The following TJP1 variants were observed in gnomAD, a reference collection of about 807,000 sequenced individuals.
The protein encoded by TJP1 is tight junction protein ZO-1.
In TJP1, 43 loss-of-function variants were observed where a neutral mutation model predicts 194.2. That is an observed-to-expected ratio of 0.22 (90% CI 0.17 to 0.29). The LOEUF (loss-of-function observed/expected upper bound fraction) is 0.29, where lower values mean the gene tolerates loss of function less well. Ranked by LOEUF, TJP1 falls within the 10% of genes least tolerant of loss-of-function variation. TJP1 has a pLI of 1.00. For missense variants in TJP1, 1,971 were observed against 2,185.7 expected (o/e 0.90, Z 1.96); for synonymous variants, 801 against 779.0 (o/e 1.03, Z -0.47).
At chr15:29,730,136 T>C (rs925181574) in intron 15 of TJP1, among the ~76,000 whole-genome samples, 1 of 152,224 alleles carries the variant, frequency 6.6e-6, no homozygotes, top group African/African-American at 2.4e-5. Context: ...TAAACTTTTC[T>C]AAACAGTATA....
At chr15:29,961,163 T>A (rs7496360) in intron 1 of TJP1, among the ~76,000 whole-genome samples, 64,603 of 151,734 alleles carry the variant, frequency 0.43, 14,331 homozygotes, top group African/African-American at 0.54. Flanking sequence ...AATCCCCTGG[T>A]ACTACTCTTC....
intron 2 of TJP1, among the ~76,000 whole-genome samples, chr15:29,853,297 T>C (rs1005208281): frequency 1.3e-5 from 2 of 152,182 alleles, no homozygotes; most frequent in Non-Finnish European, 2.9e-5. Flanking sequence ...CAAGGCAACA[T>C]GAGAGAGTCT....
At chr15:29,712,449 GA>G (rs2042299528) in intron 23 of TJP1, among the ~76,000 whole-genome samples, 1 of 152,092 alleles carries the variant, frequency 6.6e-6, no homozygotes, top group Non-Finnish European at 1.5e-5. Flanking sequence ...AAAAATGAAA[GA>G]AAATGGTCAA....
At chr15:29,946,499 C>G (rs1011703430) in intron 2 of TJP1, among the ~76,000 whole-genome samples, 2 of 152,356 alleles carry the variant, frequency 1.3e-5, no homozygotes, top group East Asian at 3.9e-4. Context: ...AGGGCATGCG[C>G]CCTGATGCGA....
intron 23 of TJP1, among the ~76,000 whole-genome samples, chr15:29,714,700 C>T (rs1442170196): frequency 6.6e-6 from 1 of 150,896 alleles, no homozygotes; most frequent in African/African-American, 2.4e-5. Context: ...GCCACCACGC[C>T]CCGCTGATTT....
At chr15:29,744,902 CTAAA>C (rs2044665160) in intron 8 of TJP1, among the ~76,000 whole-genome samples, 1 of 151,854 alleles carries the variant, frequency 6.6e-6, no homozygotes, top group Admixed American at 6.6e-5. Context: ...GGAAAAAATT[CTAAA>C]TAAATAAAAT....
chr15:29,784,392 C>T (rs539015652), intron 2 of TJP1, among the ~76,000 whole-genome samples: 18 of 152,152 alleles, frequency 1.2e-4, no homozygotes, highest in African/African-American at 2.6e-4. Context: ...CTCTGCCTCC[C>T]GGGTTCAAGT....
upstream of TJP1, among the ~76,000 whole-genome samples, chr15:29,827,124 T>A (rs573108523): frequency 3.9e-4 from 60 of 152,232 alleles, no homozygotes; most frequent in Non-Finnish European, 8.2e-4. Flanking sequence ...TGTCACTTTC[T>A]GTCTGGTGGC....
chr15:29,826,154 AAAAAG>A (rs1567110053), upstream of TJP1, among the ~76,000 whole-genome samples: 12 of 84,282 alleles, frequency 1.4e-4, no homozygotes, highest in African/African-American at 3.8e-4. Flanking sequence ...TTTTTTTTTT[AAAAAG>A]AAGACATAAA....
intron 1 of TJP1, chr15:29,968,568 C>G (rs1430444238): frequency 1.2e-5 from 10 of 837,610 alleles, no homozygotes; most frequent in Non-Finnish European, 1.3e-5. Flanking sequence ...CCTCGCCCCC[C>G]GCCCGACCGC....
At chr15:29,818,802 G>A (rs971225884) in intron 1 of TJP1, among the ~76,000 whole-genome samples, 5 of 149,702 alleles carry the variant, frequency 3.3e-5, no homozygotes, top group Non-Finnish European at 4.4e-5. Context: ...ACCGCGCCCG[G>A]CCACGTTTTT....
At chr15:29,966,472 A>G (rs774079766) in intron 1 of TJP1, among the ~76,000 whole-genome samples, 32 of 152,192 alleles carry the variant, frequency 2.1e-4, no homozygotes, top group Non-Finnish European at 3.8e-4. Context: ...ATTGCACTCC[A>G]GCCTGGGCAA....
intron 2 of TJP1, among the ~76,000 whole-genome samples, chr15:29,935,663 C>T (rs76159222): frequency 0.051 from 7,694 of 152,144 alleles, 242 homozygotes; most frequent in South Asian, 0.1. Flanking sequence ...CTCTTAAATG[C>T]TCACATCTAA....
rs1360589825 is a variant in TJP1 at position 29,840,675 on chromosome 15, T to C, written c.307-39973A>G. Among the ~76,000 whole-genome samples, 3 of 151,650 alleles carry C rather than the reference T, an allele frequency of 2.0e-5. No individual in the cohort carries two copies. In the East Asian group the frequency reaches 5.9e-4, roughly 30 times the overall value. The stretch of plus-strand genomic sequence containing the variant: ...TCCATCTTTATGTGGCCAAAGGGGG[T>C]CTAGGTAGTTGTCAGCTTCAGCTTC... On this transcript the variant is annotated intron_variant, in intron 2 of 28. Coordinates refer to the TJP1 transcript ENST00000356107.
intron 2 of TJP1, among the ~76,000 whole-genome samples, chr15:29,924,468 A>G (rs190029884): frequency 6.6e-6 from 1 of 152,244 alleles, no homozygotes; most frequent in African/African-American, 2.4e-5. Flanking sequence ...GATAGCAAAA[A>G]GACATTAAAA....
rs1476377713 is a variant in TJP1 at position 29,718,381 on chromosome 15, T to C, written c.3761A>G (p.Glu1254Gly). Residue 1254 changes from glutamate (E) to glycine (G), a missense_variant, in exon 21 of 28, where the codon GAG (glutamate) becomes GGG (glycine). Physicochemically the swap from Glu to Gly is moderately conservative, Grantham distance 98 (BLOSUM62 -2). Transcript: ENST00000614355. ...LPPPPTQTEE[E>G]EDPAMKPQSV... ...CTGTGGCTTCATTGCTGGATCTTCC[T>C]CTTCTTCGGTTTGAGTTGGGGGTGG... The C allele has an allele frequency of 1.2e-6, 2 of 1,614,024 alleles. No individual in the cohort carries two copies. The highest frequency in any genetic ancestry group is 2.7e-5 in the African/African-American group (2 of 74,908).
At chr15:29,788,453 C>A (rs908836678) in intron 2 of TJP1, among the ~76,000 whole-genome samples, 3 of 152,286 alleles carry the variant, frequency 2.0e-5, no homozygotes, top group Admixed American at 2.0e-4. Context: ...CTTATACTTA[C>A]ACCTATGGTT....
At chr15:29,747,756 C>A (rs1372994770) in intron 8 of TJP1, among the ~76,000 whole-genome samples, 1 of 152,140 alleles carries the variant, frequency 6.6e-6, no homozygotes, top group Non-Finnish European at 1.5e-5. Context: ...AACTCAAATG[C>A]TCTCCTCAAT....
intron 1 of TJP1, chr15:29,820,738 T>C: frequency 1.7e-6 from 1 of 594,236 alleles, no homozygotes; most frequent in Non-Finnish European, 3.0e-6. Flanking sequence ...AAGCAAAATG[T>C]TGCCTTTTAT....
Sources: allele counts gnomAD v4.1 joint callset (sites outside exome capture counted in the v4.1 genomes callset), GRCh38; gene constraint gnomAD v4.1.1; transcripts MANE v1.5; gene names NCBI Gene and HGNC (gene_info 2026-07-23, HGNC 2026-07-21).